Variants in SP100 observed in about 807,000 individuals in gnomAD.
SP100 encodes nuclear autoantigen Sp-100.
A neutral mutation model predicts 130.0 loss-of-function variants in SP100; 84 were observed. That is an observed-to-expected ratio of 0.65 (90% CI 0.54 to 0.77). The LOEUF is 0.77. Among genes scored for constraint, SP100 ranks in the 30% least tolerant of loss-of-function variants. SP100 has a pLI of 0.00. For synonymous variants in SP100, 331 were observed against 351.7 expected, an observed-to-expected ratio of 0.94 and a Z score of 0.66; for missense variants, 978 against 1,052.2, an observed-to-expected ratio of 0.93 and a Z score of 0.97.
intron 24 of SP100, chr2:230,516,201 A>G: frequency 1.5e-5 from 5 of 335,926 alleles, no homozygotes; most frequent in South Asian, 1.2e-4. Flanking sequence ...ATACTTGAAA[A>G]TATGACACTC....
At chr2:230,519,593 TA>T (rs1691075529) in intron 24 of SP100, among the ~76,000 whole-genome samples, 1 of 152,044 alleles carries the variant, frequency 6.6e-6, no homozygotes, top group African/African-American at 2.4e-5. Flanking sequence ...TATGAAGGCA[TA>T]GGGGTAGAAG....
In SP100 at chr2:230,513,257, G is replaced by A. The variant is rs150841366; in HGVS notation, c.2094+2091G>A. On this transcript the variant is annotated intron_variant, in intron 24 of 28. Coordinates refer to ENST00000340126, the MANE Select transcript of SP100 (RefSeq NM_001080391.2). ...AAGTTACAATCATTGGATACAGATC[G>A]CAACATGCAGGCTCAAATGTATCCA... 5.4e-3 allele frequency among the ~76,000 whole-genome samples: 824 copies of A among 152,238 alleles called. 3 individuals are homozygous for A. Among genetic ancestry groups the A allele is most frequent in the Non-Finnish European group, 7.2e-3 (492 of 68,016 alleles).
intron 24 of SP100, among the ~76,000 whole-genome samples, chr2:230,512,380 G>T (rs945182292): frequency 7.4e-6 from 1 of 135,406 alleles, no homozygotes; most frequent in African/African-American, 2.8e-5. Context: ...ACCTCTACCT[G>T]CTGGATTCAG....
chr2:230,416,581 C>G (rs745660313), intron 1 of SP100, among the ~76,000 whole-genome samples: 2 of 152,198 alleles, frequency 1.3e-5, no homozygotes, highest in Non-Finnish European at 2.9e-5. Flanking sequence ...TACTGCTCAG[C>G]TGACCGGGAC....
At chr2:230,465,034 G>A (rs139178349) in intron 11 of SP100, among the ~76,000 whole-genome samples, 3 of 152,264 alleles carry the variant, frequency 2.0e-5, no homozygotes, top group Middle Eastern at 3.4e-3. Flanking sequence ...TTAGGAGTTC[G>A]AGACCATCCT....
intron 24 of SP100, chr2:230,516,369 T>C (rs1690916166): frequency 6.5e-6 from 1 of 152,870 alleles, no homozygotes; most frequent in Non-Finnish European, 1.5e-5. Context: ...AAAGTAACTG[T>C]TTTGGTTTTG....
intron 2 of SP100, among the ~76,000 whole-genome samples, chr2:230,431,425 G>T (rs914279319): frequency 2.6e-5 from 4 of 152,306 alleles, no homozygotes; most frequent in Middle Eastern, 6.8e-3. Context: ...CAGTCAAAGT[G>T]AATCCATTCC....
At chr2:230,472,442 A>AAAAAAAAAAAAAT (rs2065318856) in intron 15 of SP100, among the ~76,000 whole-genome samples, 1 of 150,488 alleles carries the variant, frequency 6.6e-6, no homozygotes, top group African/African-American at 2.4e-5. Context: ...AAAAAAAAAA[A>AAAAAAAAAAAAAT]AAAAAAAAAA....
At chr2:230,418,135 T>C (rs1432354986) in intron 2 of SP100, among the ~76,000 whole-genome samples, 1 of 152,196 alleles carries the variant, frequency 6.6e-6, no homozygotes, top group Non-Finnish European at 1.5e-5. Context: ...AACAAAAATA[T>C]TCTTACATTG....
rs1418064360 is a variant in SP100, at chr2:230,506,317, T to C, written c.1885T>C (p.Cys629Arg). Reference protein sequence around the residue: ...ERFKQGTSKKCIQSEDKKWFT... With the variant: ...ERFKQGTSKKRIQSEDKKWFT... ...TGGTCTTACAGGAACCTCAAAGAAG[T>C]GTATACAGAGTGAGGATAAAAAGTG... is the stretch of plus-strand genomic sequence containing the variant. Residue 629 changes from cysteine to arginine, a missense_variant, in exon 22 of 29, where the codon TGT (cysteine) becomes CGT (arginine). Cys to Arg is a radical substitution (Grantham distance 180). Transcript: ENST00000340126. The C allele has an allele frequency of 1.9e-6, 3 of 1,613,768 alleles. No homozygotes were observed. In the South Asian group the frequency reaches 3.3e-5, roughly 18 times the overall value.
rs34345697 is a variant in SP100 at position 230,544,493 on chromosome 2, C to CT, written c.*1558dup. 0.17 allele frequency among the ~76,000 whole-genome samples: 25,592 copies of CT among 150,816 alleles called. 2,609 individuals carry two copies. The highest frequency in any genetic ancestry group is 0.23 in the Non-Finnish European group (15,910 of 67,706). On this transcript the variant is annotated 3_prime_UTR_variant, in exon 29 of 29. Transcript: ENST00000340126. ...AAGTGGGCAAAGGACATGAAAGACA[C>CT]TTTTTTTTTTTAAGATGGAGTTTCA...
intron 13 of SP100, among the ~76,000 whole-genome samples, chr2:230,468,301 A>G (rs760706709): frequency 6.6e-6 from 1 of 152,244 alleles, no homozygotes; most frequent in Non-Finnish European, 1.5e-5. Flanking sequence ...TTTTAGAAAG[A>G]CAATGTGGTT....
intron 17 of SP100, among the ~76,000 whole-genome samples, chr2:230,485,924 G>A (rs2066061131): frequency 6.6e-6 from 1 of 152,134 alleles, no homozygotes; most frequent in Non-Finnish European, 1.5e-5. Flanking sequence ...TTCATTTTAT[G>A]TGCATGTGTG....
chr2:230,526,553 G>A lies in SP100; in HGVS notation c.2095-12714G>A, dbSNP rs190156084. 3.6e-4 allele frequency among the ~76,000 whole-genome samples: 55 copies of A among 152,258 alleles called. 1 individual carries two copies. The highest frequency in any genetic ancestry group is 6.9e-4 in the Non-Finnish European group (47 of 68,020). On this transcript the variant is annotated intron_variant, in intron 24 of 28. Transcript: ENST00000340126. Reference sequence around the variant, plus strand: ...CACCAGCAAGGGAACAAAACTGGACGGAGAATGAGTTTGACAAGTTCACAG... The same window carrying A: ...CACCAGCAAGGGAACAAAACTGGACAGAGAATGAGTTTGACAAGTTCACAG...
At chr2:230,483,416 G>C (rs1157083262) in intron 17 of SP100, among the ~76,000 whole-genome samples, 4 of 152,318 alleles carry the variant, frequency 2.6e-5, no homozygotes, top group African/African-American at 9.6e-5. Context: ...GAGACCACTG[G>C]CTGGAGAGGT....
At chr2:230,500,656 A>G (rs982196588) in intron 19 of SP100, among the ~76,000 whole-genome samples, 4 of 152,162 alleles carry the variant, frequency 2.6e-5, no homozygotes, top group African/African-American at 9.7e-5. Flanking sequence ...TGTGGGGAGA[A>G]GGGAGAGTTG....
intron 24 of SP100, among the ~76,000 whole-genome samples, chr2:230,516,854 A>G (rs1446379972): frequency 6.6e-6 from 1 of 152,234 alleles, no homozygotes; most frequent in Non-Finnish European, 1.5e-5. Context: ...GCATTTTAAG[A>G]TAACAACCAG....
At position 230,541,969 on chromosome 2, in the gene SP100, C is replaced by T. The variant is rs562387860; in HGVS notation, c.2481C>T (p.Tyr827=). Residue 827 remains tyrosine, a synonymous_variant, in exon 28 of 29, where the codon TAC becomes TAT. Coordinates refer to ENST00000340126, the MANE Select transcript of SP100 (RefSeq NM_001080391.2). ...KVKTSLNEQM[Y]TRVEGFVQDM... ...AGACAAGTTTGAATGAGCAGATGTA[C>T]ACCCGAGTAGAAGGGTTTGTGCAGG... 34 of 1,614,090 alleles carry T rather than the reference C, an allele frequency of 2.1e-5. No individual in the cohort carries two copies. Among genetic ancestry groups the T allele is most frequent in the Non-Finnish European group, 2.7e-5 (32 of 1,179,936 alleles).
chr2:230,474,007 C>T (rs2065408537), intron 16 of SP100, among the ~76,000 whole-genome samples: 1 of 152,148 alleles, frequency 6.6e-6, no homozygotes, highest in Middle Eastern at 3.4e-3. Flanking sequence ...AATCAGATAC[C>T]TACTCTTATG....
Sources: allele counts gnomAD v4.1 joint callset (sites outside exome capture counted in the v4.1 genomes callset), GRCh38; gene constraint gnomAD v4.1.1; transcripts MANE v1.5; gene names NCBI Gene and HGNC (gene_info 2026-07-23, HGNC 2026-07-21).